Variants in OR2T11 observed in about 807,000 individuals in gnomAD.
OR2T11 encodes olfactory receptor 2T11.
OR2T11 carries 14 observed loss-of-function variants against 13.5 expected under a neutral mutation model. The ratio of observed to expected loss-of-function variants is 1.04; its 90% CI spans 0.69 to 1.62. The LOEUF (loss-of-function observed/expected upper bound fraction) is 1.62, where lower values mean the gene tolerates loss of function less well. Among genes scored for constraint, OR2T11 ranks in the 40% most tolerant of loss-of-function variants. OR2T11 has a pLI of 0.00. For missense variants in OR2T11, 410 were observed against 389.7 expected (o/e 1.05, Z -0.44); for synonymous variants, 163 against 154.6 (o/e 1.05, Z -0.40).
rs1660479961 is a variant in OR2T11, at chr1:248,624,046, T to C, written c.*2132A>G. On this transcript the variant is annotated 3_prime_UTR_variant, in exon 2 of 2. Coordinates refer to ENST00000641193, the MANE Select transcript of OR2T11 (RefSeq NM_001001964.2). ...AAGGGATCTTAGTTATAACACACGCTCTGCCTGACCTCCTGCTATTGTCAC... is the reference window on the plus strand; with the variant it reads ...AAGGGATCTTAGTTATAACACACGCCCTGCCTGACCTCCTGCTATTGTCAC... 7.1e-6 allele frequency: 1 copy of C among 141,408 alleles called. No individual in the cohort carries two copies. The highest frequency in any genetic ancestry group is 1.5e-5 in the Non-Finnish European group (1 of 65,770). The allele number at this position is 141,408 out of a possible 1,614,324, so 8.8% of individuals were successfully genotyped here. A position where few individuals can be genotyped will look rare whatever the true frequency, so the allele number is the denominator to read the frequency against.
At chr1:248,630,658 A>C (rs1660595763) in intron 1 of OR2T11, among the ~76,000 whole-genome samples, 1 of 144,166 alleles carries the variant, frequency 6.9e-6, no homozygotes, top group African/African-American at 2.7e-5. Flanking sequence ...TATGATCAGA[A>C]TTGTCTTCAA....
chr1:248,626,602 C>T lies in OR2T11; in HGVS notation c.527G>A (p.Cys176Tyr), dbSNP rs772650525. The T allele has an allele frequency of 6.4e-7, 1 of 1,573,216 alleles. No individual in the cohort carries two copies. The highest frequency in any genetic ancestry group is 8.6e-7 in the Non-Finnish European group (1 of 1,156,830). ...CGSRSINHFF[C>Y]EIPAVLKLAC... ...CAGTTTCAGAACTGCTGGGATCTCA[C>T]AGAAAAAATGGTTGATACTTCGGGA... Residue 176 changes from cysteine to tyrosine, a missense_variant, in exon 2 of 2, where the codon TGT becomes TAT. Transcript: ENST00000641193.
chr1:248,623,761 CCTA>C lies in OR2T11; in HGVS notation c.*2414_*2416del, dbSNP rs1294762928. The C allele has an allele frequency of 7.0e-6, 1 of 142,652 alleles. No individual in the cohort carries two copies. The highest frequency in any genetic ancestry group is 2.2e-4 in the South Asian group (1 of 4,530). The allele number at this position is 142,652 out of a possible 1,614,324, so 8.8% of individuals were successfully genotyped here. On this transcript the variant is annotated 3_prime_UTR_variant, in exon 2 of 2. Transcript: ENST00000641193. Reference sequence around the variant, plus strand: ...ATAATTCTAGTTAACATATTGAGTGCCTACTATTTTCTGGCCACCATCCCGAAC... The same window carrying C: ...ATAATTCTAGTTAACATATTGAGTGCCTATTTTCTGGCCACCATCCCGAAC...
chr1:248,634,922 G>A (rs1434220313), intron 1 of OR2T11, 116 bp downstream of exon 1: 4 of 144,734 alleles, frequency 2.8e-5, no homozygotes, highest in Non-Finnish European at 6.0e-5. Flanking sequence ...AGTTAATAAG[G>A]TATGTAATAA....
At position 248,624,510 on chromosome 1, in the gene OR2T11, CTT is replaced by C. The variant is rs1163604120; in HGVS notation, c.*1666_*1667del. ...CAGTTGCTTTTACTTTCTTTAAACA[CTT>C]TGTCTTAGATTTCTTCTAACCTCAT... is the stretch of plus-strand genomic sequence containing the variant. On this transcript the variant is annotated 3_prime_UTR_variant, in exon 2 of 2. Transcript: ENST00000641193. 1.6e-4 allele frequency: 23 copies of C among 143,384 alleles called. 3 individuals carry two copies. Among genetic ancestry groups the C allele is most frequent in the African/African-American group, 2.7e-4 (10 of 36,430 alleles). 8.9% of individuals were successfully genotyped at this position (143,384 alleles called of 1,614,324 possible).
chr1:248,629,158 G>T (rs1262146609), intron 1 of OR2T11, among the ~76,000 whole-genome samples: 1 of 142,894 alleles, frequency 7.0e-6, no homozygotes, highest in Non-Finnish European at 1.5e-5. Context: ...TGTAACCCCA[G>T]CACTTAGGGA....
chr1:248,627,159 G>T lies in OR2T11; in HGVS notation c.-31C>A. The T allele has an allele frequency of 7.8e-7, 1 of 1,283,620 alleles. No homozygotes were observed. The highest frequency in any genetic ancestry group is 1.1e-6 in the Non-Finnish European group (1 of 907,776). 79.5% of individuals were successfully genotyped at this position (1,283,620 alleles called of 1,614,324 possible). A position where few individuals can be genotyped will look rare whatever the true frequency, so the allele number is the denominator to read the frequency against. ...TGGCCCACGAGCGTCCCAGGGCAAC[G>T]GGAAGACACAAGGACCAGGAAGGAG... On this transcript the variant is annotated 5_prime_UTR_variant, in exon 2 of 2. Transcript: ENST00000641193.
chr1:248,624,123 T>A lies in OR2T11; in HGVS notation c.*2055A>T, dbSNP rs1489853679. 4 of 142,886 alleles carry A rather than the reference T, an allele frequency of 2.8e-5. 1 individual carries two copies. The highest frequency in any genetic ancestry group is 8.3e-5 in the African/African-American group (3 of 36,196). The allele number at this position is 142,886 out of a possible 1,614,324, so 8.9% of individuals were successfully genotyped here. ...TCAAACTCTCCACTTCTAAACTGGT[T>A]TCTGTGCTTTCGGCCACTCTCAAAG... On this transcript the variant is annotated 3_prime_UTR_variant, in exon 2 of 2. Coordinates refer to ENST00000641193, the MANE Select transcript of OR2T11 (RefSeq NM_001001964.2).
chr1:248,628,715 GTC>G (rs897559737), intron 1 of OR2T11, among the ~76,000 whole-genome samples: 1 of 142,710 alleles, frequency 7.0e-6, no homozygotes, highest in South Asian at 2.2e-4. Context: ...TACAAATAGA[GTC>G]TAAACAAAAA....
In OR2T11 at chr1:248,633,767, T is replaced by C. The variant is rs1349400381; in HGVS notation, c.-145+1271A>G. Among the ~76,000 whole-genome samples, 8 of 143,474 alleles carry C rather than the reference T, an allele frequency of 5.6e-5. 2 individuals carry two copies. The highest frequency in any genetic ancestry group is 1.9e-4 in the African/African-American group (7 of 36,556). 94.1% of individuals were successfully genotyped at this position (143,474 alleles called of 152,430 possible). A position where few individuals can be genotyped will look rare whatever the true frequency, so the allele number is the denominator to read the frequency against. On this transcript the variant is annotated intron_variant, in intron 1 of 1. Coordinates refer to ENST00000641193, the MANE Select transcript of OR2T11 (RefSeq NM_001001964.2). Reference sequence around the variant, plus strand: ...ACAATTTTGACAACATCAACTGACATATGTAATCCTAAACTTTGCATTTAA... The same window carrying C: ...ACAATTTTGACAACATCAACTGACACATGTAATCCTAAACTTTGCATTTAA...
Position 248,626,809 on chromosome 1 carries a change from G to A in OR2T11, c.320C>T (p.Ser107Phe), listed in dbSNP as rs752479736. The change falls in exon 2 of 2, where the codon TCT becomes TTT. Residue 107 changes from serine to phenylalanine, a missense_variant. Physicochemically the swap from Ser to Phe is radical, Grantham distance 155. Transcript: ENST00000641193. ...CATGAGGCCCAGGAGGAAGAACTCA[G>A]AACCAATCATGGTCAGGTAGAGGAA... is the stretch of plus-strand genomic sequence containing the variant. ...QIFLYLTMIG[S>F]EFFLLGLMAY... 2.2e-5 allele frequency: 34 copies of A among 1,561,918 alleles called. 3 individuals carry two copies. Among genetic ancestry groups the A allele is most frequent in the Admixed American group, 5.2e-5 (3 of 57,756 alleles).
chr1:248,626,458 C>A lies in OR2T11; in HGVS notation c.671G>T (p.Arg224Leu). ...SYSLILLTIH[R>L]MPSAEGRKKA... ...TTTGCGACCTTCAGCAGAGGGCATGCGGTGGATGGTTAACAAGATGAGGGA... is the reference window on the plus strand; with the variant it reads ...TTTGCGACCTTCAGCAGAGGGCATGAGGTGGATGGTTAACAAGATGAGGGA... Residue 224 changes from arginine (R) to leucine (L), a missense_variant, in exon 2 of 2, where the codon CGC becomes CTC. Coordinates refer to ENST00000641193, the MANE Select transcript of OR2T11 (RefSeq NM_001001964.2). 5.7e-6 allele frequency: 9 copies of A among 1,571,868 alleles called. 2 individuals are homozygous for A. Among genetic ancestry groups the A allele is most frequent in the Non-Finnish European group, 7.8e-6 (9 of 1,156,218 alleles).
intron 1 of OR2T11, among the ~76,000 whole-genome samples, chr1:248,634,125 G>T (rs1198907873): frequency 7.0e-6 from 1 of 142,206 alleles, no homozygotes; most frequent in Admixed American, 6.8e-5. Context: ...TTCTTTTAAA[G>T]ATTTTTAGAA....
In OR2T11 at chr1:248,627,592, G is replaced by A. The variant is rs183760248; in HGVS notation, c.-144-320C>T. Among the ~76,000 whole-genome samples the A allele has an allele frequency of 5.0e-4, 71 of 143,290 alleles. 2 individuals carry two copies. The highest frequency in any genetic ancestry group is 1.3e-3 in the African/African-American group (49 of 36,418). The allele number at this position is 143,290 out of a possible 152,430, so 94.0% of individuals were successfully genotyped here. Reference sequence around the variant, plus strand: ...GAAGTAAATCACTGAAGAAATGAAGGGTTAGGATAACTATTAGGGAACGTT... The same window carrying A: ...GAAGTAAATCACTGAAGAAATGAAGAGTTAGGATAACTATTAGGGAACGTT... On this transcript the variant is annotated intron_variant, in intron 1 of 1. Coordinates refer to ENST00000641193, the MANE Select transcript of OR2T11 (RefSeq NM_001001964.2).
At chr1:248,630,504 CAATT>C (rs1423035033) in intron 1 of OR2T11, among the ~76,000 whole-genome samples, 2 of 143,622 alleles carry the variant, frequency 1.4e-5, no homozygotes, top group Non-Finnish European at 3.0e-5. Flanking sequence ...ACTCAGGTAC[CAATT>C]AATAGGTTGA....
Position 248,633,361 on chromosome 1 carries a change from A to C in OR2T11, c.-145+1677T>G, listed in dbSNP as rs1372047360. On this transcript the variant is annotated intron_variant, in intron 1 of 1. Transcript: ENST00000641193. Reference sequence around the variant, plus strand: ...TCAACCTATATAATCATCTCCTTACAACTGTATTCTCTATCTTTGAAATGA... The same window carrying C: ...TCAACCTATATAATCATCTCCTTACCACTGTATTCTCTATCTTTGAAATGA... Among the ~76,000 whole-genome samples, 6 of 143,366 alleles carry C rather than the reference A, an allele frequency of 4.2e-5. 2 individuals carry two copies. The highest frequency in any genetic ancestry group is 1.6e-4 in the African/African-American group (6 of 36,392). 94.1% of individuals were successfully genotyped at this position (143,366 alleles called of 152,430 possible).
chr1:248,626,207 C>A lies in OR2T11; in HGVS notation c.922G>T (p.Ala308Ser). The A allele has an allele frequency of 6.5e-7, 1 of 1,546,982 alleles. No homozygotes were observed. Among genetic ancestry groups the A allele is most frequent in the Non-Finnish European group, 8.8e-7 (1 of 1,133,116 alleles). ...GCATCACTTGTTGCTACTTTCTGAG[C>A]AGATGAGCAACATGCAAATACCTTT... ...FKKVFACCSS[A>S]QKVATSDA is the part of the protein sequence containing the mutation. The change falls in exon 2 of 2, where the codon GCT becomes TCT. Residue 308 changes from alanine (A) to serine (S), a missense_variant. By Grantham distance (99) the Ala-to-Ser change is moderately conservative. Coordinates refer to ENST00000641193, the MANE Select transcript of OR2T11 (RefSeq NM_001001964.2).
intron 1 of OR2T11, among the ~76,000 whole-genome samples, chr1:248,629,056 G>A (rs561612246): frequency 7.0e-6 from 1 of 143,660 alleles, no homozygotes; most frequent in East Asian, 2.0e-4. Context: ...AAGGAGAAGA[G>A]AGCACATCTC....
rs554275599 is a variant in OR2T11, at chr1:248,626,227, A to G, written c.902T>C (p.Val301Ala). The G allele has an allele frequency of 2.3e-4, 359 of 1,565,880 alleles. 45 individuals carry two copies. The South Asian group carries it at 3.9e-3, about 17-fold the overall frequency. ...NKDVIGAFKK[V>A]FACCSSAQKV... ...CTGAGCAGATGAGCAACATGCAAAT[A>G]CCTTTTTAAATGCCCCTATGACGTC... The change falls in exon 2 of 2, where the codon GTA becomes GCA. Residue 301 changes from valine (V) to alanine (A), a missense_variant. Transcript: ENST00000641193.
Sources: allele counts gnomAD v4.1 joint callset (sites outside exome capture counted in the v4.1 genomes callset), GRCh38; gene constraint gnomAD v4.1.1; transcripts MANE v1.5; gene names NCBI Gene and HGNC (gene_info 2026-07-23, HGNC 2026-07-21).